TIAM2: variants seen among roughly 807,000 people sequenced by gnomAD.
TIAM2 encodes rho guanine nucleotide exchange factor TIAM2.
TIAM2 carries 80 observed loss-of-function variants against 152.9 expected under a neutral mutation model. The observed-to-expected ratio is 0.52, with a 90% CI of 0.44 to 0.63. The LOEUF is 0.63. Among genes scored for constraint, TIAM2 ranks in the 30% least tolerant of loss-of-function variants. The probability of loss-of-function intolerance (pLI) is 0.00; values close to 1 mark genes in which losing one functional copy is unlikely to be tolerated. For synonymous variants in TIAM2, 804 were observed against 838.0 expected, an observed-to-expected ratio of 0.96 and a Z score of 0.70; for missense variants, 1,965 against 2,120.1, an observed-to-expected ratio of 0.93 and a Z score of 1.44.
In TIAM2 at chr6:155,094,651, G is replaced by A. The variant is rs193300777; in HGVS notation, c.-118+4272G>A. ...TGCAGCTTCAAACTCCTGGACCCAA[G>A]CAATCTGCCCACCTCAGCCTCCTGA... On this transcript the variant is annotated intron_variant, in intron 2 of 26. Coordinates refer to ENST00000682666, the MANE Select transcript of TIAM2 (RefSeq NM_012454.4). Among the ~76,000 whole-genome samples the A allele has an allele frequency of 3.0e-3, 441 of 144,762 alleles. 2 individuals carry two copies. The highest frequency in any genetic ancestry group is 0.011 in the African/African-American group (422 of 39,162). 95.0% of individuals were successfully genotyped at this position (144,762 alleles called of 152,430 possible). A position where few individuals can be genotyped will look rare whatever the true frequency, so the allele number is the denominator to read the frequency against.
intron 14 of TIAM2, among the ~76,000 whole-genome samples, chr6:155,201,601 A>T (rs983870252): frequency 1.3e-5 from 2 of 152,216 alleles, no homozygotes; most frequent in Admixed American, 1.3e-4. Context: ...AGTCACTGCC[A>T]TAGCCTGCCT....
At chr6:155,180,598 T>G (rs1252856863) in intron 12 of TIAM2, among the ~76,000 whole-genome samples, 4 of 152,148 alleles carry the variant, frequency 2.6e-5, no homozygotes, top group African/African-American at 9.7e-5. Context: ...CCCCATGTTA[T>G]TTTTTTATTT....
intron 2 of TIAM2, among the ~76,000 whole-genome samples, chr6:155,108,176 T>C (rs914478743): frequency 2.0e-5 from 3 of 152,214 alleles, no homozygotes; most frequent in African/African-American, 7.2e-5. Context: ...TCAGGCAGGC[T>C]ACGTGGGTTC....
chr6:155,206,210 G>A (rs530076521), intron 14 of TIAM2, among the ~76,000 whole-genome samples: 8 of 152,066 alleles, frequency 5.3e-5, no homozygotes, highest in African/African-American at 1.2e-4. Context: ...GGCATTTTCC[G>A]TGGTAGCCTG....
chr6:155,242,216 C>A (rs1783067971), intron 16 of TIAM2, among the ~76,000 whole-genome samples: 1 of 152,226 alleles, frequency 6.6e-6, no homozygotes, highest in Admixed American at 6.5e-5. Context: ...GCAGCACCAG[C>A]CTGTGAGGCA....
At chr6:155,232,475 C>T (rs1782522295) in intron 15 of TIAM2, 1 of 152,224 alleles carries the variant, frequency 6.6e-6, no homozygotes, top group Non-Finnish European at 1.5e-5. Context: ...GCTTGACTTT[C>T]CTTAAGGATA....
intron 2 of TIAM2, among the ~76,000 whole-genome samples, chr6:155,108,449 T>C (rs987242478): frequency 1.3e-5 from 2 of 152,226 alleles, no homozygotes; most frequent in African/African-American, 4.8e-5. Flanking sequence ...CATTAACACT[T>C]GTCACCTACT....
At chr6:155,254,388 C>T in intron 25 of TIAM2, 31 bp from the exon 26 acceptor site, 2 of 1,606,682 alleles carry the variant, frequency 1.2e-6, no homozygotes, top group Non-Finnish European at 1.7e-6. Context: ...ACTGTGGACA[C>T]TTCTGCTGTT....
At chr6:155,221,975 A>G (rs528032367) in intron 15 of TIAM2, among the ~76,000 whole-genome samples, 1 of 151,676 alleles carries the variant, frequency 6.6e-6, no homozygotes, top group African/African-American at 2.4e-5. Flanking sequence ...TTTTTTTGAG[A>G]GGGAGTCTCA....
At chr6:154,997,286 C>T (rs1778231792) in intron 1 of TIAM2, among the ~76,000 whole-genome samples, 1 of 152,188 alleles carries the variant, frequency 6.6e-6, no homozygotes, top group Non-Finnish European at 1.5e-5. Flanking sequence ...CGAAGTTAAG[C>T]TCCTCCTCCT....
chr6:155,072,321 G>A (rs796214736), intron 1 of TIAM2, among the ~76,000 whole-genome samples: 6 of 152,182 alleles, frequency 3.9e-5, no homozygotes, highest in Admixed American at 1.3e-4. Context: ...GGAAACAACC[G>A]AGGCATCGGG....
At chr6:155,134,938 C>G (rs749755993) in intron 4 of TIAM2, among the ~76,000 whole-genome samples, 1 of 152,034 alleles carries the variant, frequency 6.6e-6, no homozygotes, top group Non-Finnish European at 1.5e-5. Context: ...ATCTCCTGAC[C>G]TCATGATCTG....
At chr6:155,248,498 A>G (rs1783465576) in intron 20 of TIAM2, among the ~76,000 whole-genome samples, 1 of 152,248 alleles carries the variant, frequency 6.6e-6, no homozygotes, top group Non-Finnish European at 1.5e-5. Context: ...GCTGTGAAAC[A>G]GTGCCGCTGG....
intron 14 of TIAM2, 50 bp downstream of exon 14, chr6:155,183,550 T>C (rs748617275): frequency 6.5e-7 from 1 of 1,541,844 alleles, no homozygotes; most frequent in Admixed American, 2.1e-5. Flanking sequence ...CAACAGCCAA[T>C]ATTTTTAGGC....
intron 2 of TIAM2, among the ~76,000 whole-genome samples, chr6:155,116,459 G>C (rs1030320065): frequency 2.6e-5 from 4 of 152,196 alleles, no homozygotes; most frequent in Non-Finnish European, 5.9e-5. Flanking sequence ...GGTGGGGAAA[G>C]CACCCATTTA....
chr6:155,114,442 A>G (rs1386401279), intron 2 of TIAM2, among the ~76,000 whole-genome samples: 3 of 151,982 alleles, frequency 2.0e-5, no homozygotes, highest in Non-Finnish European at 4.4e-5. Context: ...CCCCTTGGTT[A>G]TTCTGTGGCC....
At chr6:155,232,247 G>C (rs1782508392) in intron 15 of TIAM2, among the ~76,000 whole-genome samples, 1 of 151,380 alleles carries the variant, frequency 6.6e-6, no homozygotes, top group African/African-American at 2.4e-5. Flanking sequence ...TTGAGAAAAA[G>C]TCCTTCGTGC....
At chr6:155,243,540 T>C (rs1352121939) in intron 16 of TIAM2, among the ~76,000 whole-genome samples, 1 of 152,124 alleles carries the variant, frequency 6.6e-6, no homozygotes, top group Non-Finnish European at 1.5e-5. Context: ...TAATCACTAC[T>C]TTTGGGGTCA....
At chr6:155,135,890 A>T (rs1468084192) in intron 4 of TIAM2, among the ~76,000 whole-genome samples, 1 of 152,120 alleles carries the variant, frequency 6.6e-6, no homozygotes, top group Non-Finnish European at 1.5e-5. Context: ...TCTAAGTAAG[A>T]AATATTAATT....
Sources: gnomAD v4.1 joint callset for allele counts (sites outside exome capture counted in the v4.1 genomes callset) on GRCh38, gnomAD v4.1.1 for gene constraint, MANE v1.5 for transcripts, NCBI Gene and HGNC (gene_info 2026-07-23, HGNC 2026-07-21) for gene names.